MYO1H: variants seen among roughly 807,000 people sequenced by gnomAD.
MYO1H encodes myosin IH.
A neutral mutation model predicts 149.3 loss-of-function variants in MYO1H; 118 were observed. The ratio of observed to expected loss-of-function variants is 0.79; its 90% confidence interval spans 0.68 to 0.92. The LOEUF is 0.92. MYO1H is among the 40% of genes least tolerant of loss of function. The pLI is 0.00. For synonymous variants in MYO1H, 447 were observed against 465.2 expected (o/e 0.96, Z 0.50); for missense variants, 1,212 against 1,280.7 (o/e 0.95, Z 0.82).
chr12:109,315,554 A>T, the MYO1H span, among the ~76,000 whole-genome samples: 4 of 152,240 alleles, frequency 2.6e-5, no homozygotes, highest in Non-Finnish European at 5.9e-5. Flanking sequence ...ATTAGATGCT[A>T]GAATTTTTAA....
At chr12:109,311,358 C>T in the MYO1H span, among the ~76,000 whole-genome samples, 1 of 152,254 alleles carries the variant, frequency 6.6e-6, no homozygotes, top group East Asian at 1.9e-4. Context: ...GAGTTCACTG[C>T]TTCAGGCCTG....
chr12:109,361,813 CAAAAAAAAAAAA>C (rs35915417), intron 1 of MYO1H, among the ~76,000 whole-genome samples: 60 of 56,828 alleles, frequency 1.1e-3, no homozygotes, highest in Non-Finnish European at 1.3e-3. Flanking sequence ...CCTTGTCTCA[CAAAAAAAAAAAA>C]AAAAAAAAAA....
At chr12:109,370,444 C>A (rs1868957357) in intron 1 of MYO1H, among the ~76,000 whole-genome samples, 1 of 152,206 alleles carries the variant, frequency 6.6e-6, no homozygotes, top group Non-Finnish European at 1.5e-5. Flanking sequence ...CTGATCCCTT[C>A]CACAGCCTCC....
chr12:109,432,186 A>G (rs1157996358), intron 19 of MYO1H, among the ~76,000 whole-genome samples: 2 of 151,858 alleles, frequency 1.3e-5, no homozygotes, highest in Non-Finnish European at 2.9e-5. Flanking sequence ...TTGTATTTTT[A>G]GTAGAGACAG....
exon 4 of MYO1H, chr12:109,396,441 C>G: frequency 6.2e-7 from 1 of 1,613,954 alleles, no homozygotes; most frequent in Non-Finnish European, 8.5e-7. Context: ...ATAACCATTT[C>G]ATCCTCATTT....
chr12:109,363,947 C>T (rs1200446149), intron 1 of MYO1H, among the ~76,000 whole-genome samples: 1 of 150,650 alleles, frequency 6.6e-6, no homozygotes, highest in Non-Finnish European at 1.5e-5. Flanking sequence ...AGCCTGTAAT[C>T]CCAGCACTTT....
At chr12:109,329,259 G>A in the MYO1H span, among the ~76,000 whole-genome samples, 2 of 152,124 alleles carry the variant, frequency 1.3e-5, no homozygotes, top group South Asian at 4.1e-4. Context: ...GTACAGCCGT[G>A]TTCATTAGTG....
At chr12:109,340,695 C>A in the MYO1H span, among the ~76,000 whole-genome samples, 1 of 148,624 alleles carries the variant, frequency 6.7e-6, no homozygotes, top group African/African-American at 2.5e-5. Flanking sequence ...AAATTACATT[C>A]ATGTATTTTT....
the MYO1H span, among the ~76,000 whole-genome samples, chr12:109,325,162 A>G: frequency 1.3e-5 from 2 of 152,146 alleles, no homozygotes; most frequent in African/African-American, 4.8e-5. Flanking sequence ...GCTATTGTAA[A>G]CAGTGCTGCA....
intron 3 of MYO1H, among the ~76,000 whole-genome samples, chr12:109,395,464 G>A (rs769597688): frequency 7.9e-5 from 12 of 152,002 alleles, no homozygotes; most frequent in South Asian, 2.1e-4. Context: ...GGCCAGGCGC[G>A]GTGGCTCACA....
intron 31 of MYO1H, chr12:109,446,061 G>T: frequency 1.0e-6 from 1 of 985,146 alleles, no homozygotes; most frequent in Non-Finnish European, 1.2e-6. Context: ...AAATATGTAA[G>T]AAAGAAATGT....
intron 1 of MYO1H, among the ~76,000 whole-genome samples, chr12:109,360,700 A>G (rs1441512614): frequency 2.6e-5 from 4 of 152,208 alleles, no homozygotes; most frequent in Admixed American, 1.3e-4. Flanking sequence ...CCATGAGAAT[A>G]ATCATACTGA....
At chr12:109,407,717 A>T in intron 9 of MYO1H, 77 bp from the exon 10 acceptor site, 1 of 1,412,196 alleles carries the variant, frequency 7.1e-7, no homozygotes, top group Non-Finnish European at 9.5e-7. Context: ...TTTTTTTTTT[A>T]AGAAAAAAGA....
intron 21 of MYO1H, 93 bp from the exon 22 acceptor site, chr12:109,436,395 C>G: frequency 1.2e-6 from 1 of 825,266 alleles, no homozygotes; most frequent in Non-Finnish European, 2.0e-6. Flanking sequence ...TTTGATGCCC[C>G]CTTCCATCGG....
chr12:109,312,338 G>C, the MYO1H span, among the ~76,000 whole-genome samples: 1 of 152,040 alleles, frequency 6.6e-6, no homozygotes, highest in Admixed American at 6.6e-5. Flanking sequence ...TCAGCCTCCC[G>C]AGTAGCTGGG....
At chr12:109,440,037 CTTT>C (rs36004400) in intron 24 of MYO1H, among the ~76,000 whole-genome samples, 6 of 143,142 alleles carry the variant, frequency 4.2e-5, no homozygotes, top group Non-Finnish European at 4.6e-5. Context: ...AAACAGAGCA[CTTT>C]TTTTTTTTTT....
chr12:109,440,916 C>A, intron 25 of MYO1H, 89 bp downstream of exon 25: 1 of 959,408 alleles, frequency 1.0e-6, no homozygotes, highest in South Asian at 1.4e-5. Context: ...ACCATTTCAC[C>A]TATAAGCGGG....
chr12:109,345,840 C>A (rs906412980), upstream of MYO1H, among the ~76,000 whole-genome samples: 1 of 152,054 alleles, frequency 6.6e-6, no homozygotes, highest in Non-Finnish European at 1.5e-5. Flanking sequence ...GTGAAAGAAG[C>A]CAGTCATGAA....
intron 1 of MYO1H, among the ~76,000 whole-genome samples, chr12:109,357,797 T>G (rs1868641911): frequency 8.8e-6 from 1 of 114,248 alleles, no homozygotes. Context: ...TTCTCTTGAT[T>G]TTTTTTCTCC....
Sources: gnomAD v4.1 joint callset for allele counts (sites outside exome capture counted in the v4.1 genomes callset) on GRCh38, gnomAD v4.1.1 for gene constraint, MANE v1.5 for transcripts, NCBI Gene and HGNC (gene_info 2026-07-23, HGNC 2026-07-21) for gene names.